The following FILIP1 variants were observed in gnomAD, a reference collection of about 807,000 sequenced individuals.
FILIP1 encodes the protein filamin-A-interacting protein 1.
A neutral mutation model predicts 102.1 loss-of-function variants in FILIP1; 61 were observed. That is an observed-to-expected ratio of 0.60 (90% CI 0.49 to 0.74). The LOEUF (loss-of-function observed/expected upper bound fraction) is 0.74, where lower values mean the gene tolerates loss of function less well. Among genes scored for constraint, FILIP1 ranks in the 30% least tolerant of loss-of-function variants. The pLI is 0.00. For synonymous variants in FILIP1, 491 were observed against 526.9 expected (o/e 0.93, Z 0.93); for missense variants, 1,314 against 1,441.2 (o/e 0.91, Z 1.43).
downstream of FILIP1, among the ~76,000 whole-genome samples, chr6:75,304,819 A>G (rs1772935657): frequency 6.6e-6 from 1 of 152,196 alleles, no homozygotes; most frequent in South Asian, 2.1e-4. Flanking sequence ...GGGCTCAGGG[A>G]AGTGGTAAGG....
At chr6:75,403,102 T>C (rs1370582914) in intron 2 of FILIP1, among the ~76,000 whole-genome samples, 1 of 152,126 alleles carries the variant, frequency 6.6e-6, no homozygotes, top group Non-Finnish European at 1.5e-5. Flanking sequence ...TTAAGTGCTA[T>C]GGTTCATTTC....
At chr6:75,363,126 C>T (rs1308461446) in intron 2 of FILIP1, 3 of 419,706 alleles carry the variant, frequency 7.1e-6, no homozygotes, top group Non-Finnish European at 1.3e-5. Context: ...AGCAGGCAAG[C>T]AGAAAAAAGG....
chr6:75,391,159 C>T (rs1027959106), intron 2 of FILIP1, among the ~76,000 whole-genome samples: 1 of 151,968 alleles, frequency 6.6e-6, no homozygotes, highest in African/African-American at 2.4e-5. Flanking sequence ...TTCTAATTGG[C>T]CTTCACCCTC....
intron 2 of FILIP1, among the ~76,000 whole-genome samples, chr6:75,364,173 C>T (rs1382694570): frequency 2.0e-5 from 3 of 152,016 alleles, no homozygotes; most frequent in African/African-American, 7.2e-5. Flanking sequence ...CACTTCAAGA[C>T]AAAAATGGAA....
intron 4 of FILIP1, among the ~76,000 whole-genome samples, chr6:75,333,071 T>A (rs1207250176): frequency 6.6e-6 from 1 of 152,182 alleles, no homozygotes; most frequent in Non-Finnish European, 1.5e-5. Context: ...TTAAAATAAC[T>A]TAGACATAAC....
At chr6:75,331,643 G>A (rs1231398291) in intron 4 of FILIP1, among the ~76,000 whole-genome samples, 1 of 152,038 alleles carries the variant, frequency 6.6e-6, no homozygotes, top group Non-Finnish European at 1.5e-5. Context: ...CTGTTGTCAG[G>A]CGTATAACCC....
intron 4 of FILIP1, among the ~76,000 whole-genome samples, chr6:75,342,862 T>C (rs1774459050): frequency 6.6e-6 from 1 of 152,218 alleles, no homozygotes; most frequent in African/African-American, 2.4e-5. Flanking sequence ...AAACTGAGGC[T>C]GTATCAAGCT....
chr6:75,310,365 G>A (rs549716145), intron 5 of FILIP1, among the ~76,000 whole-genome samples: 1 of 152,298 alleles, frequency 6.6e-6, no homozygotes, highest in East Asian at 1.9e-4. Context: ...CTACAGTCCT[G>A]GCTTCCCAGC....
chr6:75,448,559 A>C (rs1402128455), intron 1 of FILIP1, among the ~76,000 whole-genome samples: 1 of 152,126 alleles, frequency 6.6e-6, no homozygotes, highest in Non-Finnish European at 1.5e-5. Flanking sequence ...AGCAGAGTAA[A>C]TACACAACCC....
At chr6:75,398,900 G>C (rs548280638) in intron 2 of FILIP1, 3 of 151,964 alleles carry the variant, frequency 2.0e-5, no homozygotes, top group South Asian at 2.1e-4. Flanking sequence ...TCTCCCAAAG[G>C]AAGAGAAGAT....
At chr6:75,436,461 T>G (rs1161133108) in intron 1 of FILIP1, among the ~76,000 whole-genome samples, 1 of 152,098 alleles carries the variant, frequency 6.6e-6, no homozygotes, top group Non-Finnish European at 1.5e-5. Context: ...AAGTTCCTTC[T>G]AGGAACAGGA....
chr6:75,363,628 C>T (rs988776946), intron 2 of FILIP1, among the ~76,000 whole-genome samples: 5 of 152,166 alleles, frequency 3.3e-5, no homozygotes, highest in African/African-American at 1.2e-4. Context: ...AAGAAAACCA[C>T]GATTGTAGGC....
At chr6:75,493,333 A>G (rs1312181036) in intron 1 of FILIP1, 81 bp downstream of exon 1, 3 of 152,372 alleles carry the variant, frequency 2.0e-5, no homozygotes, top group East Asian at 3.9e-4. Flanking sequence ...GGAAACAGAC[A>G]AAACAGAATG....
chr6:75,405,198 G>A (rs548837011), intron 2 of FILIP1, among the ~76,000 whole-genome samples: 129 of 152,140 alleles, frequency 8.5e-4, no homozygotes, highest in Non-Finnish European at 1.5e-3. Flanking sequence ...TGGCATTCAA[G>A]TCACACTGTT....
intron 1 of FILIP1, among the ~76,000 whole-genome samples, chr6:75,488,330 C>T (rs372353700): frequency 5.9e-5 from 9 of 152,174 alleles, no homozygotes; most frequent in East Asian, 3.9e-4. Context: ...TCTTCCACAA[C>T]GGGCTGCCTG....
intron 1 of FILIP1, among the ~76,000 whole-genome samples, chr6:75,460,099 C>T (rs989341210): frequency 2.6e-5 from 4 of 152,078 alleles, no homozygotes; most frequent in African/African-American, 9.7e-5. Context: ...TAAAAGACAA[C>T]AAAAAATCTC....
At chr6:75,492,441 A>G (rs1184275751) in intron 1 of FILIP1, among the ~76,000 whole-genome samples, 1 of 152,160 alleles carries the variant, frequency 6.6e-6, no homozygotes, top group East Asian at 1.9e-4. Context: ...AAATCATCAT[A>G]TTCATTTAGA....
intron 1 of FILIP1, among the ~76,000 whole-genome samples, chr6:75,420,623 C>G (rs940698051): frequency 4.5e-4 from 68 of 152,260 alleles, no homozygotes; most frequent in African/African-American, 1.6e-3. Flanking sequence ...TCACTGATTA[C>G]AAATTATGTC....
intron 3 of FILIP1, chr6:75,360,873 G>A (rs1014818529): frequency 3.3e-5 from 5 of 152,232 alleles, no homozygotes; most frequent in African/African-American, 4.8e-5. Context: ...GTGATGTATC[G>A]CGGTTCCTGC....
Sources: gnomAD v4.1 joint callset for allele counts (sites outside exome capture counted in the v4.1 genomes callset) on GRCh38, gnomAD v4.1.1 for gene constraint, MANE v1.5 for transcripts, NCBI Gene and HGNC (gene_info 2026-07-23, HGNC 2026-07-21) for gene names.